Variants in RANBP2 observed in about 807,000 individuals in gnomAD.
RANBP2 encodes RAN binding protein 2.
A neutral mutation model predicts 303.6 loss-of-function variants in RANBP2; 57 were observed. That is an observed-to-expected ratio of 0.19 (90% CI 0.15 to 0.23). The LOEUF is 0.23. RANBP2 is among the 10% of genes least tolerant of loss of function. The pLI is 1.00. For missense variants in RANBP2, 3,138 were observed against 3,780.8 expected, an observed-to-expected ratio of 0.83 and a Z score of 4.46; for synonymous variants, 1,167 against 1,301.5, an observed-to-expected ratio of 0.90 and a Z score of 2.23.
the RANBP2 span, among the ~76,000 whole-genome samples, chr2:109,538,599 G>A: frequency 3.3e-5 from 5 of 152,222 alleles, no homozygotes; most frequent in African/African-American, 9.6e-5. Flanking sequence ...TTACCACGGC[G>A]GCCTCTGCCT....
chr2:108,740,378 G>A, intron 6 of RANBP2, 111 bp from the exon 7 acceptor site: 3 of 1,501,084 alleles, frequency 2.0e-6, no homozygotes, highest in South Asian at 2.3e-5. Context: ...TTAGTTGAAT[G>A]TGGAAGATGA....
chr2:108,966,273 T>C, the RANBP2 span, among the ~76,000 whole-genome samples: 1 of 152,230 alleles, frequency 6.6e-6, no homozygotes, highest in Non-Finnish European at 1.5e-5. Flanking sequence ...TCATTTCTAT[T>C]ATCAATATTT....
the RANBP2 span, among the ~76,000 whole-genome samples, chr2:109,315,067 C>T: frequency 2.0e-5 from 3 of 152,266 alleles, no homozygotes; most frequent in Non-Finnish European, 4.4e-5. Context: ...ATACACGACA[C>T]GTTTCCATCA....
At chr2:109,384,709 T>G in the RANBP2 span, among the ~76,000 whole-genome samples, 1 of 152,112 alleles carries the variant, frequency 6.6e-6, no homozygotes, top group South Asian at 2.1e-4. Flanking sequence ...TTTGCTGAGG[T>G]GAACTTTGAT....
chr2:109,688,865 C>A, the RANBP2 span, among the ~76,000 whole-genome samples: 2 of 148,260 alleles, frequency 1.3e-5, no homozygotes, highest in East Asian at 2.0e-4. Flanking sequence ...CCTTTCCTGG[C>A]CTACATTTAT....
At chr2:108,803,484 C>T in the RANBP2 span, among the ~76,000 whole-genome samples, 1 of 151,936 alleles carries the variant, frequency 6.6e-6, no homozygotes, top group Admixed American at 6.6e-5. Flanking sequence ...GCTGTGTTGC[C>T]CAGGCTGGAG....
chr2:109,254,688 T>C, the RANBP2 span, among the ~76,000 whole-genome samples: 1 of 152,272 alleles, frequency 6.6e-6, no homozygotes, highest in East Asian at 1.9e-4. Flanking sequence ...CCCCCTAATG[T>C]TGGTGTGTGG....
the RANBP2 span, among the ~76,000 whole-genome samples, chr2:109,338,177 T>C: frequency 2.6e-5 from 4 of 152,238 alleles, no homozygotes; most frequent in Non-Finnish European, 5.9e-5. Flanking sequence ...GTACTTACAG[T>C]GTGCCAGGCA....
the RANBP2 span, among the ~76,000 whole-genome samples, chr2:109,085,679 C>A: frequency 6.7e-6 from 1 of 149,724 alleles, no homozygotes; most frequent in Non-Finnish European, 1.5e-5. Context: ...TGGCTCACTG[C>A]AACCTCTGCC....
the RANBP2 span, among the ~76,000 whole-genome samples, chr2:109,456,808 AT>A: frequency 6.6e-6 from 1 of 152,218 alleles, no homozygotes; most frequent in Non-Finnish European, 1.5e-5. Flanking sequence ...ACCAGGCTCC[AT>A]GGTACCCACA....
rs752655949 is a variant in RANBP2, at chr2:108,731,464, A to G, written c.395A>G (p.Tyr132Cys). 1.9e-6 allele frequency: 3 copies of G among 1,611,530 alleles called. No individual in the cohort carries two copies. Among genetic ancestry groups the G allele is most frequent in the Admixed American group, 3.3e-5 (2 of 60,008 alleles). ...CTTTTCCCAGGAAGTCCTGCAATTT[A>G]TAAACTAAAGGTAAACAAACAAAAC... Reference protein sequence around the residue: ...AKLFPGSPAIYKLKEQLLDCE... With the variant: ...AKLFPGSPAICKLKEQLLDCE... Residue 132 changes from tyrosine to cysteine, a missense_variant, in exon 4 of 29, where the codon TAT (tyrosine) becomes TGT (cysteine). This residue lies in a region of RANBP2 where 306 missense variants were observed against 381.9 expected (regional missense o/e 0.80). Transcript: ENST00000283195.
the RANBP2 span, among the ~76,000 whole-genome samples, chr2:109,421,871 C>T: frequency 1.3e-5 from 2 of 152,188 alleles, no homozygotes; most frequent in African/African-American, 4.8e-5. Context: ...GGCTGTTATA[C>T]TGAGTAGCAG....
the RANBP2 span, among the ~76,000 whole-genome samples, chr2:109,291,530 A>G: frequency 6.6e-6 from 1 of 152,198 alleles, no homozygotes; most frequent in Admixed American, 6.5e-5. Context: ...TGAGATGCAC[A>G]TGCCATGTCT....
chr2:109,201,928 G>C, the RANBP2 span, among the ~76,000 whole-genome samples: 2 of 152,184 alleles, frequency 1.3e-5, no homozygotes, highest in African/African-American at 2.4e-5. Context: ...AGGACCCGTG[G>C]CATCATAAAA....
chr2:109,675,825 C>T, the RANBP2 span, among the ~76,000 whole-genome samples: 1 of 152,214 alleles, frequency 6.6e-6, no homozygotes, highest in African/African-American at 2.4e-5. Flanking sequence ...TGGAGCAGAA[C>T]AACTCCAGGC....
chr2:108,867,603 T>G, the RANBP2 span, among the ~76,000 whole-genome samples: 1 of 151,846 alleles, frequency 6.6e-6, no homozygotes, highest in Non-Finnish European at 1.5e-5. Context: ...TTCACACCAT[T>G]CCTCCTTCCA....
At chr2:109,636,881 C>T in the RANBP2 span, among the ~76,000 whole-genome samples, 14 of 151,924 alleles carry the variant, frequency 9.2e-5, no homozygotes, top group East Asian at 3.9e-4. Context: ...TATTTCTAGT[C>T]GGGTGGGACG....
the RANBP2 span, among the ~76,000 whole-genome samples, chr2:109,080,886 A>G: frequency 6.6e-6 from 1 of 152,218 alleles, no homozygotes. Flanking sequence ...AGGAACAGAA[A>G]TGTATTAAGA....
the RANBP2 span, among the ~76,000 whole-genome samples, chr2:109,693,353 T>C: frequency 1.3e-5 from 2 of 152,056 alleles, no homozygotes; most frequent in Non-Finnish European, 2.9e-5. Flanking sequence ...TTTCTATTTT[T>C]AGTAGAGACG....
Sources: allele counts gnomAD v4.1 joint callset (sites outside exome capture counted in the v4.1 genomes callset), GRCh38; gene constraint gnomAD v4.1.1; regional missense constraint gnomAD v4.1.1; transcripts MANE v1.5; gene names NCBI Gene and HGNC (gene_info 2026-07-23, HGNC 2026-07-21).